The following TTBK1 variants were observed in gnomAD, a reference collection of about 807,000 sequenced individuals.
The protein encoded by TTBK1 is tau tubulin kinase 1.
A neutral mutation model predicts 108.5 loss-of-function variants in TTBK1; 34 were observed. The ratio of observed to expected loss-of-function variants is 0.31; its 90% CI spans 0.24 to 0.42. TTBK1 has a LOEUF of 0.42. Among genes scored for constraint, TTBK1 ranks in the 10% least tolerant of loss-of-function variants. The pLI, the probability that TTBK1 is intolerant of heterozygous loss-of-function variation, is 1.00. For missense variants in TTBK1, 1,539 were observed against 1,826.0 expected, an observed-to-expected ratio of 0.84 and a Z score of 2.86; for synonymous variants, 809 against 795.1, an observed-to-expected ratio of 1.02 and a Z score of -0.29.
In TTBK1 at chr6:43,246,547, T is replaced by C. The variant is rs1777090430; in HGVS notation, c.-54-60T>C. On this transcript the variant is annotated intron_variant, in intron 1 of 14. Coordinates refer to ENST00000259750, the MANE Select transcript of TTBK1 (RefSeq NM_032538.3). The stretch of plus-strand genomic sequence containing the variant: ...GCAGGAGTGGAGCTCCTCTCCTCCA[T>C]ATCTGCCAGGTGGTCCTGGGTCCGC... 4.4e-6 allele frequency: 3 copies of C among 676,458 alleles called. No homozygotes were observed. In the South Asian group the frequency reaches 6.0e-5, roughly 13 times the overall value. 41.9% of individuals were successfully genotyped at this position (676,458 alleles called of 1,614,324 possible).
intron 10 of TTBK1, 88 bp downstream of exon 10, chr6:43,258,054 CTGGACA>C: frequency 7.0e-7 from 1 of 1,424,472 alleles, no homozygotes; most frequent in Non-Finnish European, 9.4e-7. Context: ...CTCTTCCTAT[CTGGACA>C]CACTTGGCTA....
At position 43,253,178 on chromosome 6, in the gene TTBK1, A is replaced by G; in HGVS notation, c.257-113A>G. 8.3e-7 allele frequency: 1 copy of G among 1,208,018 alleles called. No individual in the cohort carries two copies. Among genetic ancestry groups the G allele is most frequent in the Non-Finnish European group, 1.2e-6 (1 of 817,122 alleles). The allele number at this position is 1,208,018 out of a possible 1,614,324, so 74.8% of individuals were successfully genotyped here. On this transcript the variant is annotated intron_variant, in intron 3 of 14. Coordinates refer to ENST00000259750, the MANE Select transcript of TTBK1 (RefSeq NM_032538.3). The surrounding 1 kb of genome is among the most constrained non-coding windows in gnomAD (Gnocchi z 5.8). ...CAGGGAGGTGGCAAGACAGGTGCTC[A>G]CAGGGCCAGCACTGGAGGGACCAGG...
At chr6:43,264,520 G>A (rs1028049381) in intron 13 of TTBK1, among the ~76,000 whole-genome samples, 10 of 152,224 alleles carry the variant, frequency 6.6e-5, no homozygotes, top group Admixed American at 3.9e-4. Context: ...CCATGGGAAT[G>A]GGTGATGTTA....
intron 10 of TTBK1, among the ~76,000 whole-genome samples, chr6:43,258,653 G>A (rs772073541): frequency 4.6e-5 from 7 of 152,180 alleles, no homozygotes; most frequent in Non-Finnish European, 8.8e-5. Flanking sequence ...CTCCCAGACT[G>A]CAAAATAATA....
In TTBK1 at chr6:43,270,587, G is replaced by C. The variant is rs893734178; in HGVS notation, c.1986+7237G>C. 8.1e-6 allele frequency: 8 copies of C among 985,616 alleles called. No individual in the cohort carries two copies. In the South Asian group the frequency reaches 3.8e-4, roughly 46 times the overall value. 61.1% of individuals were successfully genotyped at this position (985,616 alleles called of 1,614,324 possible). On this transcript the variant is annotated intron_variant, in intron 13 of 14. Transcript: ENST00000259750. ...TCTCAGGCCATCATCATTGAGGACA[G>C]AGTTCTCTCCTCACACATCTTACCC...
At position 43,284,304 on chromosome 6, in the gene TTBK1, C is replaced by T; in HGVS notation, c.3564C>T (p.Ile1188=). ...CGGCCCCAGCATTGGACACAGCCATCACCAGCAGGTGAGAAACCGCTGCCA... is the reference window on the plus strand; with the variant it reads ...CGGCCCCAGCATTGGACACAGCCATTACCAGCAGGTGAGAAACCGCTGCCA... ...HGAAPALDTA[I]TSRLQLQTPP... is the part of the protein sequence containing the mutation. Residue 1188 remains isoleucine, a synonymous_variant, in exon 14 of 15, where the codon ATC becomes ATT. Coordinates refer to ENST00000259750, the MANE Select transcript of TTBK1 (RefSeq NM_032538.3). 6.4e-7 allele frequency: 1 copy of T among 1,563,730 alleles called. No homozygotes were observed. Among genetic ancestry groups the T allele is most frequent in the Non-Finnish European group, 8.6e-7 (1 of 1,156,516 alleles).
At chr6:43,278,494 C>T (rs552381250) in intron 13 of TTBK1, among the ~76,000 whole-genome samples, 1 of 152,336 alleles carries the variant, frequency 6.6e-6, no homozygotes, top group African/African-American at 2.4e-5. Flanking sequence ...GGCCTCTTCT[C>T]TGACCTACAG....
Position 43,283,736 on chromosome 6 carries a change from C to G in TTBK1, c.2996C>G (p.Ser999Cys). ...NGAEIEGSAL[S>C]GAPRETPSEM... ...GCTGAGATAGAGGGCTCTGCCCTGT[C>G]TGGGGCCCCCCGGGAAACCCCCTCA... The change falls in exon 14 of 15, where the codon TCT becomes TGT. Residue 999 changes from serine (S) to cysteine (C), a missense_variant. Transcript: ENST00000259750. The surrounding 1 kb of genome is among the most constrained non-coding windows in gnomAD (Gnocchi z 8.1). 1 of 1,613,264 alleles carries G rather than the reference C, an allele frequency of 6.2e-7. No homozygotes were observed. The highest frequency in any genetic ancestry group is 1.1e-5 in the South Asian group (1 of 91,066).
At position 43,253,327 on chromosome 6, in the gene TTBK1, G is replaced by A. The variant is rs765013355; in HGVS notation, c.293G>A (p.Arg98Lys). The stretch of plus-strand genomic sequence containing the variant: ...GTGTGCAGGTTCATTGGCTGTGGCA[G>A]GAACGAGAAGTTTAACTATGTAGTG... ...DHVCRFIGCG[R>K]NEKFNYVVMQ... Residue 98 changes from arginine (R) to lysine (K), a missense_variant, in exon 4 of 15, where the codon AGG becomes AAG. By Grantham distance (26) the Arg-to-Lys change is conservative. Coordinates refer to ENST00000259750, the MANE Select transcript of TTBK1 (RefSeq NM_032538.3). The surrounding 1 kb of genome is among the most constrained non-coding windows in gnomAD (Gnocchi z 5.8). 1.2e-6 allele frequency: 2 copies of A among 1,614,124 alleles called. No individual in the cohort carries two copies. The highest frequency in any genetic ancestry group is 1.7e-6 in the Non-Finnish European group (2 of 1,180,010).
chr6:43,275,413 G>T (rs111739263), intron 13 of TTBK1, among the ~76,000 whole-genome samples: 12,333 of 152,152 alleles, frequency 0.081, 632 homozygotes, highest in Non-Finnish European at 0.11. Flanking sequence ...CCTGCTGCTG[G>T]CTGGCGGCCT....
chr6:43,250,055 T>TG (rs971451606), intron 2 of TTBK1, among the ~76,000 whole-genome samples: 5 of 35,986 alleles, frequency 1.4e-4, no homozygotes, highest in South Asian at 1.1e-3. Context: ...CCATAATGGG[T>TG]GGGGGGTGGG....
In TTBK1 at chr6:43,259,779, A is replaced by C; in HGVS notation, c.1424+73A>C. The C allele has an allele frequency of 7.1e-7, 1 of 1,414,652 alleles. No individual in the cohort carries two copies. The highest frequency in any genetic ancestry group is 1.5e-5 in the South Asian group (1 of 67,106). 87.6% of individuals were successfully genotyped at this position (1,414,652 alleles called of 1,614,324 possible). Reference sequence around the variant, plus strand: ...CTTCACGTGGCTGGTCTGGAGGAAAAGTTAGATGTGTGGCGGAGGTGGGCA... The same window carrying C: ...CTTCACGTGGCTGGTCTGGAGGAAACGTTAGATGTGTGGCGGAGGTGGGCA... On this transcript the variant is annotated intron_variant, in intron 12 of 14. Coordinates refer to ENST00000259750, the MANE Select transcript of TTBK1 (RefSeq NM_032538.3). The surrounding 1 kb of genome is among the most constrained non-coding windows in gnomAD (Gnocchi z 6.7).
chr6:43,270,519 T>G, intron 13 of TTBK1: 2 of 986,226 alleles, frequency 2.0e-6, no homozygotes, highest in Non-Finnish European at 2.4e-6. Flanking sequence ...AGTGTTTCAA[T>G]GCTCAGTGAT....
intron 10 of TTBK1, 147 bp from the exon 11 acceptor site, chr6:43,258,891 G>T: frequency 1.9e-6 from 1 of 532,516 alleles, no homozygotes; most frequent in Non-Finnish European, 3.3e-6. Flanking sequence ...CAATGGTGAT[G>T]GGCCTAGGGA....
chr6:43,273,316 A>G lies in TTBK1; in HGVS notation c.1987-9411A>G, dbSNP rs1242160367. ...AAGAGGGGAGTTGTCAGCAAGCCAT[A>G]TTTTCCTTCCTTTCCCATTCCCACC... On this transcript the variant is annotated intron_variant, in intron 13 of 14. Coordinates refer to ENST00000259750, the MANE Select transcript of TTBK1 (RefSeq NM_032538.3). The surrounding 1 kb of genome is among the most constrained non-coding windows in gnomAD (Gnocchi z 4.2). Among the ~76,000 whole-genome samples, 1 of 152,006 alleles carries G rather than the reference A, an allele frequency of 6.6e-6. No homozygotes were observed. The highest frequency in any genetic ancestry group is 2.4e-5 in the African/African-American group (1 of 41,372).
chr6:43,254,507 G>T (rs1777331444), intron 5 of TTBK1, 40 bp from the exon 6 acceptor site: 1 of 1,485,288 alleles, frequency 6.7e-7, no homozygotes, highest in Non-Finnish European at 9.0e-7. Context: ...GCCCAGCTGG[G>T]GTTGGGGCCC....
rs1200839813 is a variant in TTBK1, at chr6:43,269,758, G to T, written c.1986+6408G>T. ...GAGACGGAGCATTACCCTCACCCCG[G>T]CGGCGGCGGCTCCTCGGGCTCCTCC... On this transcript the variant is annotated intron_variant, in intron 13 of 14. Coordinates refer to ENST00000259750, the MANE Select transcript of TTBK1 (RefSeq NM_032538.3). This position sits in a 1 kb window ranked among gnomAD's most constrained non-coding sequence, Gnocchi z 4.8. 6.3e-7 allele frequency: 1 copy of T among 1,599,686 alleles called. No individual in the cohort carries two copies. Among genetic ancestry groups the T allele is most frequent in the East Asian group, 2.2e-5 (1 of 44,538 alleles).
chr6:43,248,678 A>G (rs1490275611), intron 2 of TTBK1, among the ~76,000 whole-genome samples: 1 of 152,140 alleles, frequency 6.6e-6, no homozygotes, highest in Non-Finnish European at 1.5e-5. Context: ...AACTGAGATC[A>G]TGCCATTGCA....
intron 1 of TTBK1, among the ~76,000 whole-genome samples, chr6:43,244,329 C>A (rs1324601694): frequency 6.6e-6 from 1 of 152,152 alleles, no homozygotes; most frequent in East Asian, 1.9e-4. Context: ...CTGCTGACAC[C>A]TTGCAGAGTT....
Sources: allele counts gnomAD v4.1 joint callset (sites outside exome capture counted in the v4.1 genomes callset), GRCh38; gene constraint gnomAD v4.1.1; non-coding constraint Gnocchi (gnomAD v3.1); transcripts MANE v1.5; gene names NCBI Gene and HGNC (gene_info 2026-07-23, HGNC 2026-07-21).